Variants in TRPM7 observed in about 807,000 individuals in gnomAD.
TRPM7 encodes LTRPC ion channel family member 7.
Under a neutral mutation model 229.7 loss-of-function variants are expected in TRPM7, and 134 were observed. The ratio of observed to expected loss-of-function variants is 0.58; its 90% CI spans 0.51 to 0.67. TRPM7 has a LOEUF of 0.67. TRPM7 is among the 30% of genes least tolerant of loss of function. The pLI, the probability that TRPM7 is intolerant of heterozygous loss-of-function variation, is 0.00. For synonymous variants in TRPM7, 699 were observed against 715.2 expected (o/e 0.98, Z 0.36); for missense variants, 1,901 against 2,210.0 (o/e 0.86, Z 2.80).
intron 7 of TRPM7, among the ~76,000 whole-genome samples, chr15:50,634,766 C>T (rs1389722934): frequency 6.6e-6 from 1 of 152,158 alleles, no homozygotes; most frequent in Non-Finnish European, 1.5e-5. Context: ...ATAATGAATA[C>T]TTTGTCACTA....
rs756359025 is a variant in TRPM7 at position 50,570,130 on chromosome 15, T to C, written c.5334A>G (p.Pro1778=). Residue 1778 remains proline (P), a synonymous_variant, in exon 37 of 39, where the codon CCA becomes CCG. Transcript: ENST00000646667. ...LQGVGENLTD[P]SVIKAEEKRS... ...TCTTTTCTTCTGCTTTTATCACAGA[T>C]GGGTCAGTCAAATTTTCACCAACAC... is the stretch of plus-strand genomic sequence containing the variant. 2 of 1,609,644 alleles carry C rather than the reference T, an allele frequency of 1.2e-6. No homozygotes were observed. The highest frequency in any genetic ancestry group is 2.2e-5 in the South Asian group (2 of 90,010).
chr15:50,638,584 T>C (rs2060991562), intron 6 of TRPM7, among the ~76,000 whole-genome samples: 1 of 151,922 alleles, frequency 6.6e-6, no homozygotes, highest in Non-Finnish European at 1.5e-5. Flanking sequence ...CAATAAAATG[T>C]AATATTGCTA....
At chr15:50,595,284 C>A (rs2059603741) in intron 23 of TRPM7, among the ~76,000 whole-genome samples, 1 of 151,274 alleles carries the variant, frequency 6.6e-6, no homozygotes, top group South Asian at 2.1e-4. Flanking sequence ...AGGAAACAGG[C>A]CTATTTAGAC....
intron 2 of TRPM7, among the ~76,000 whole-genome samples, chr15:50,659,606 A>C (rs541094042): frequency 6.6e-6 from 1 of 152,132 alleles, no homozygotes; most frequent in African/African-American, 2.4e-5. Context: ...TGCTTTTATT[A>C]TTTCTATTGC....
intron 29 of TRPM7, among the ~76,000 whole-genome samples, chr15:50,582,272 T>C (rs1276240119): frequency 6.6e-6 from 1 of 152,198 alleles, no homozygotes. Flanking sequence ...ACCGAGTTTT[T>C]TTTTTATTTC....
At chr15:50,587,756 T>C (rs2059381746) in intron 27 of TRPM7, among the ~76,000 whole-genome samples, 1 of 152,192 alleles carries the variant, frequency 6.6e-6, no homozygotes, top group African/African-American at 2.4e-5. Context: ...GAAAATGTGA[T>C]GAACTTAGGT....
chr15:50,639,356 C>A, intron 6 of TRPM7, 68 bp downstream of exon 6: 1 of 1,276,714 alleles, frequency 7.8e-7, no homozygotes. Context: ...TTTAAACTGG[C>A]ACTATTCTTA....
Position 50,639,466 on chromosome 15 carries a change from T to G in TRPM7, c.618A>C (p.Pro206=). The G allele has an allele frequency of 1.2e-6, 2 of 1,611,060 alleles. No homozygotes were observed. Among genetic ancestry groups the G allele is most frequent in the South Asian group, 2.2e-5 (2 of 90,610 alleles). Residue 206 remains proline, a synonymous_variant, in exon 6 of 39, where the codon CCA becomes CCC. Transcript: ENST00000646667. ...SRKICTIGIA[P]WGVIENRNDL... is the part of the protein sequence containing the mutation. ...CATTTCTGTTTTCAATCACTCCCCA[T>G]GGAGCTATTCCGATAGTGCAAATCT...
At position 50,626,313 on chromosome 15, in the gene TRPM7, A is replaced by G. The variant is rs1567035624; in HGVS notation, c.1305+1836T>C. Among the ~76,000 whole-genome samples the G allele has an allele frequency of 2.0e-5, 3 of 152,140 alleles. No individual in the cohort carries two copies. In the South Asian group the frequency reaches 6.2e-4, roughly 31 times the overall value. ...TGAAATTTCACTTTAGTAGAATAAA[A>G]GGGGATATAACAAAATATTGTTTTT... On this transcript the variant is annotated intron_variant, in intron 11 of 38. Coordinates refer to ENST00000646667, the MANE Select transcript of TRPM7 (RefSeq NM_017672.6).
intron 20 of TRPM7, 25 bp from the exon 21 acceptor site, chr15:50,605,169 A>G (rs1464104111): frequency 6.5e-7 from 1 of 1,544,696 alleles, no homozygotes; most frequent in Non-Finnish European, 8.7e-7. Context: ...ACAACAAAAA[A>G]AAGTGTAATC....
At chr15:50,563,844 T>C (rs2053440424) in intron 38 of TRPM7, among the ~76,000 whole-genome samples, 1 of 152,158 alleles carries the variant, frequency 6.6e-6, no homozygotes, top group African/African-American at 2.4e-5. Flanking sequence ...ACAGTGTATT[T>C]TATGTGTAGC....
intron 15 of TRPM7, 49 bp downstream of exon 15, chr15:50,613,658 G>A (rs760414352): frequency 2.7e-5 from 38 of 1,430,758 alleles, no homozygotes; most frequent in Non-Finnish European, 3.4e-5. Context: ...AAGTAATTTA[G>A]AAAGAAGAAA....
intron 5 of TRPM7, among the ~76,000 whole-genome samples, chr15:50,642,743 T>G (rs1043000215): frequency 1.3e-5 from 2 of 152,156 alleles, no homozygotes; most frequent in Admixed American, 1.3e-4. Flanking sequence ...TTTATAGCAG[T>G]ATGAAAACAG....
Position 50,679,521 on chromosome 15 carries a change from T to TATATATATATATA in TRPM7, c.3+6997_3+7009dup, listed in dbSNP as rs2062189213. On this transcript the variant is annotated intron_variant, in intron 1 of 38. Transcript: ENST00000646667. ...TATGTGTATATATATAATATATATA[T>TATATATATATATA]ATATATATATATATATATTTTTTTT... Among the ~76,000 whole-genome samples the TATATATATATATA allele has an allele frequency of 2.7e-4, 6 of 22,224 alleles. No homozygotes were observed. In the Admixed American group the frequency reaches 3.4e-3, roughly 13 times the overall value. The allele number at this position is 22,224 out of a possible 152,430, so 14.6% of individuals were successfully genotyped here.
intron 7 of TRPM7, among the ~76,000 whole-genome samples, chr15:50,636,016 T>C (rs754474210): frequency 6.6e-6 from 1 of 151,360 alleles, no homozygotes; most frequent in African/African-American, 2.4e-5. Context: ...AAAGAAGAAA[T>C]TGATGACAGA....
chr15:50,581,882 T>C (rs1196160971), intron 29 of TRPM7, among the ~76,000 whole-genome samples: 1 of 152,210 alleles, frequency 6.6e-6, no homozygotes, highest in Non-Finnish European at 1.5e-5. Context: ...TTTATCTTTT[T>C]TTTTTTACTT....
rs1344490346 is a variant in TRPM7, at chr15:50,560,371, C to CTTAAGT, written c.*1306_*1307insACTTAA. ...ACGTATATAGTATCTTTAAGTAATA[C>CTTAAGT]ACTTTTTCTTTCTCCCCACCCCCAA... On this transcript the variant is annotated 3_prime_UTR_variant, in exon 39 of 39. Coordinates refer to ENST00000646667, the MANE Select transcript of TRPM7 (RefSeq NM_017672.6). 6.6e-6 allele frequency: 1 copy of CTTAAGT among 152,366 alleles called. No individual in the cohort carries two copies. Among genetic ancestry groups the CTTAAGT allele is most frequent in the African/African-American group, 2.4e-5 (1 of 41,368 alleles). 9.4% of individuals were successfully genotyped at this position (152,366 alleles called of 1,614,324 possible). A position where few individuals can be genotyped will look rare whatever the true frequency, so the allele number is the denominator to read the frequency against.
chr15:50,666,846 T>C (rs2061895697), intron 1 of TRPM7, among the ~76,000 whole-genome samples: 1 of 152,090 alleles, frequency 6.6e-6, no homozygotes, highest in Admixed American at 6.6e-5. Flanking sequence ...CAAGTAATAG[T>C]AAGACTGAAA....
intron 18 of TRPM7, 31 bp downstream of exon 18, chr15:50,609,773 CTT>C (rs755587619): frequency 1.8e-5 from 28 of 1,597,576 alleles, no homozygotes; most frequent in African/African-American, 1.1e-4. Context: ...TCAGAACAAA[CTT>C]ATATTTACTT....
Sources: gnomAD v4.1 joint callset for allele counts (sites outside exome capture counted in the v4.1 genomes callset) on GRCh38, gnomAD v4.1.1 for gene constraint, MANE v1.5 for transcripts, NCBI Gene and HGNC (gene_info 2026-07-23, HGNC 2026-07-21) for gene names.